STK39: variants seen among roughly 807,000 people sequenced by gnomAD.
STK39 encodes the protein STE20/SPS1-related proline-alanine-rich protein kinase.
A neutral mutation model predicts 77.8 loss-of-function variants in STK39; 20 were observed. That is an observed-to-expected ratio of 0.26 (90% CI 0.18 to 0.37). The LOEUF (loss-of-function observed/expected upper bound fraction) is 0.37, where lower values mean the gene tolerates loss of function less well. Among genes scored for constraint, STK39 ranks in the 10% least tolerant of loss-of-function variants. The probability of loss-of-function intolerance (pLI) is 1.00; values close to 1 mark genes in which losing one functional copy is unlikely to be tolerated. For missense variants in STK39, 479 were observed against 656.5 expected (o/e 0.73, Z 2.95); for synonymous variants, 246 against 234.1 (o/e 1.05, Z -0.47).
rs150792738 is a variant in STK39, at chr2:168,056,891, T to C, written c.1376+6609A>G. ...ATAGCTTGTTCAGGCCCAGAGATGATGCAAATGATCCAAAGTAGACTTCAA... is the reference window on the plus strand; with the variant it reads ...ATAGCTTGTTCAGGCCCAGAGATGACGCAAATGATCCAAAGTAGACTTCAA... On this transcript the variant is annotated intron_variant, in intron 14 of 17. Coordinates refer to ENST00000355999, the MANE Select transcript of STK39 (RefSeq NM_013233.3). Among the ~76,000 whole-genome samples the C allele has an allele frequency of 9.2e-5, 14 of 152,220 alleles. No homozygotes were observed. In the East Asian group the frequency reaches 1.9e-3, roughly 21 times the overall value.
At chr2:168,071,819 G>A (rs1317628358) in intron 12 of STK39, among the ~76,000 whole-genome samples, 2 of 149,984 alleles carry the variant, frequency 1.3e-5, no homozygotes, top group East Asian at 3.9e-4. Flanking sequence ...GCAGAGAGCC[G>A]AGATTGCGCC....
intron 16 of STK39, among the ~76,000 whole-genome samples, chr2:167,973,546 T>G (rs1469112985): frequency 6.6e-6 from 1 of 152,224 alleles, no homozygotes; most frequent in Non-Finnish European, 1.5e-5. Flanking sequence ...ATGGTCTGTG[T>G]AAGTCGTGAA....
At chr2:168,165,954 C>G (rs148414345) in intron 3 of STK39, among the ~76,000 whole-genome samples, 1 of 152,230 alleles carries the variant, frequency 6.6e-6, no homozygotes, top group Non-Finnish European at 1.5e-5. Flanking sequence ...AGAATCAAGC[C>G]CTCGAAAGAG....
At chr2:168,018,529 AAAAGAAAGAAAAG>A (rs1476777796) in intron 14 of STK39, among the ~76,000 whole-genome samples, 129 of 80,686 alleles carry the variant, frequency 1.6e-3, no homozygotes, top group African/African-American at 5.1e-3. Context: ...GAAAAGAAAG[AAAAGAAAGAAAAG>A]AAAGAAAGAA....
At chr2:168,149,345 G>A (rs1326849413) in intron 5 of STK39, among the ~76,000 whole-genome samples, 1 of 152,216 alleles carries the variant, frequency 6.6e-6, no homozygotes, top group Non-Finnish European at 1.5e-5. Flanking sequence ...AAGATGTGAT[G>A]TATGGGAGTG....
intron 17 of STK39, among the ~76,000 whole-genome samples, chr2:167,963,987 G>A (rs1032258053): frequency 6.6e-6 from 1 of 151,948 alleles, no homozygotes; most frequent in Non-Finnish European, 1.5e-5. Context: ...TTTGGAAAAC[G>A]GTCACTTTTG....
Position 168,247,411 on chromosome 2 carries a change from C to A in STK39, c.25G>T (p.Val9Leu), listed in dbSNP as rs1196032004. 4 of 1,210,176 alleles carry A rather than the reference C, an allele frequency of 3.3e-6. No homozygotes were observed. The highest frequency in any genetic ancestry group is 4.1e-6 in the Non-Finnish European group (4 of 967,036). The allele number at this position is 1,210,176 out of a possible 1,614,324, so 75.0% of individuals were successfully genotyped here. A position where few individuals can be genotyped will look rare whatever the true frequency, so the allele number is the denominator to read the frequency against. The change falls in exon 1 of 18, where the codon GTG becomes TTG. Residue 9 changes from valine (V) to leucine (L), a missense_variant. Transcript: ENST00000355999. ...GCCTGCTGGGGAAGCTGGACGTGCA[C>A]GGGCGAGCCGCTCGGCTCCGCCATG... MAEPSGSP[V>L]HVQLPQQAAP...
intron 1 of STK39, among the ~76,000 whole-genome samples, chr2:168,233,930 AAGTC>A (rs1690527501): frequency 6.6e-6 from 1 of 152,216 alleles, no homozygotes; most frequent in African/African-American, 2.4e-5. Context: ...AAAATGAGGT[AAGTC>A]AGTAAGATAA....
chr2:168,001,636 T>C (rs1684004434), intron 16 of STK39, among the ~76,000 whole-genome samples: 1 of 152,184 alleles, frequency 6.6e-6, no homozygotes, highest in Non-Finnish European at 1.5e-5. Context: ...ATGGATTTAG[T>C]TTTCTTCCTT....
intron 1 of STK39, among the ~76,000 whole-genome samples, chr2:168,219,422 GAAGAGGTCTCT>G (rs1376172067): frequency 6.6e-6 from 1 of 152,130 alleles, no homozygotes; most frequent in African/African-American, 2.4e-5. Flanking sequence ...ACCCTGGACG[GAAGAGGTCTCT>G]ATCTCTGTCC....
intron 3 of STK39, among the ~76,000 whole-genome samples, chr2:168,166,254 A>T (rs1249148425): frequency 6.6e-6 from 1 of 152,234 alleles, no homozygotes; most frequent in Middle Eastern, 3.2e-3. Flanking sequence ...TAAGGTCAGT[A>T]AATTGCCTTG....
In STK39 at chr2:168,008,843, T is replaced by C. The variant is rs375804925; in HGVS notation, c.1498+3791A>G. ...AAGCTTATCATGGAGAAGGGCATTG[T>C]CAACTACGCCCAATACTGCCAATAG... On this transcript the variant is annotated intron_variant, in intron 16 of 17. Transcript: ENST00000355999. Among the ~76,000 whole-genome samples the C allele has an allele frequency of 1.1e-4, 16 of 152,260 alleles. No individual in the cohort carries two copies. In the East Asian group the frequency reaches 2.7e-3, roughly 26 times the overall value.
chr2:168,085,325 G>A (rs1686337023), intron 10 of STK39, among the ~76,000 whole-genome samples: 2 of 152,200 alleles, frequency 1.3e-5, no homozygotes, highest in Non-Finnish European at 1.5e-5. Context: ...CCTGATCAAG[G>A]AGCTGGCCAC....
chr2:168,079,177 T>G (rs754708825), intron 10 of STK39, among the ~76,000 whole-genome samples: 4 of 152,172 alleles, frequency 2.6e-5, no homozygotes, highest in Non-Finnish European at 4.4e-5. Context: ...CTCCATAGTT[T>G]ATACTCTGAC....
chr2:168,183,449 AG>A (rs1371550608), intron 1 of STK39, among the ~76,000 whole-genome samples: 1 of 152,134 alleles, frequency 6.6e-6, no homozygotes, highest in African/African-American at 2.4e-5. Context: ...AACTTGCCCA[AG>A]GTCACATAGA....
chr2:168,139,029 A>C (rs1687908640), intron 7 of STK39, among the ~76,000 whole-genome samples: 1 of 152,220 alleles, frequency 6.6e-6, no homozygotes, highest in Non-Finnish European at 1.5e-5. Context: ...ATACATGTCA[A>C]GCCTCTTTTC....
intron 14 of STK39, among the ~76,000 whole-genome samples, chr2:168,032,001 A>C (rs1684843186): frequency 6.6e-6 from 1 of 152,232 alleles, no homozygotes; most frequent in African/African-American, 2.4e-5. Flanking sequence ...GTTCCAAATA[A>C]AGTAAATAAA....
chr2:168,078,468 C>T (rs1290656908), intron 10 of STK39, among the ~76,000 whole-genome samples: 2 of 152,150 alleles, frequency 1.3e-5, no homozygotes, highest in East Asian at 3.9e-4. Flanking sequence ...CACTCCAGTG[C>T]TGCATCTCTA....
At chr2:168,021,031 G>A (rs922860464) in intron 14 of STK39, among the ~76,000 whole-genome samples, 1 of 152,118 alleles carries the variant, frequency 6.6e-6, no homozygotes, top group Non-Finnish European at 1.5e-5. Flanking sequence ...CATGAGGAAA[G>A]CAAGTATTTA....
Sources: gnomAD v4.1 joint callset for allele counts (sites outside exome capture counted in the v4.1 genomes callset) on GRCh38, gnomAD v4.1.1 for gene constraint, MANE v1.5 for transcripts, NCBI Gene and HGNC (gene_info 2026-07-23, HGNC 2026-07-21) for gene names.